The following TUSC3 variants were observed in gnomAD, a reference collection of about 807,000 sequenced individuals.
The protein encoded by TUSC3 is tumor suppressor candidate 3, also known as dolichyl-diphosphooligosaccharide--protein glycosyltransferase subunit TUSC3.
Under a neutral mutation model 44.8 loss-of-function variants are expected in TUSC3, and 45 were observed. The ratio of observed to expected loss-of-function variants is 1.00; its 90% CI spans 0.79 to 1.29. TUSC3 has a LOEUF of 1.29. Ranked by LOEUF, TUSC3 falls within the 50% of genes most tolerant of loss-of-function variation. The probability of loss-of-function intolerance (pLI) is 0.00; values close to 1 mark genes in which losing one functional copy is unlikely to be tolerated. For missense variants in TUSC3, 519 were observed against 437.9 expected (o/e 1.19, Z -1.65); for synonymous variants, 212 against 152.9 (o/e 1.39, Z -2.85).
At chr8:15,581,981 T>TC (rs1803372077) in intron 1 of TUSC3, among the ~76,000 whole-genome samples, 2 of 151,326 alleles carry the variant, frequency 1.3e-5, no homozygotes, top group Non-Finnish European at 1.5e-5. Context: ...CGTAGGACCC[T>TC]CTGAGCCAGG....
chr8:15,662,105 G>GA, intron 4 of TUSC3, 51 bp from the exon 5 acceptor site: 2 of 1,594,082 alleles, frequency 1.3e-6, no homozygotes, highest in Non-Finnish European at 1.7e-6. Context: ...ATGATCAAAA[G>GA]AAAAATTTTA....
At chr8:15,583,937 G>C (rs758503947) in intron 1 of TUSC3, among the ~76,000 whole-genome samples, 2 of 152,192 alleles carry the variant, frequency 1.3e-5, no homozygotes, top group South Asian at 4.1e-4. Context: ...TAGCACCTTA[G>C]TAAGCAGATG....
chr8:15,441,380 CTGGG>C (rs1800018959), intron 1 of TUSC3, among the ~76,000 whole-genome samples: 1 of 152,094 alleles, frequency 6.6e-6, no homozygotes, highest in Non-Finnish European at 1.5e-5. Flanking sequence ...GCACTCCAGG[CTGGG>C]TGAGACAGCG....
intron 1 of TUSC3, among the ~76,000 whole-genome samples, chr8:15,420,447 G>A (rs1001610396): frequency 2.6e-5 from 4 of 151,854 alleles, no homozygotes; most frequent in Non-Finnish European, 5.9e-5. Flanking sequence ...ACAGTGAGCC[G>A]AGATCATGCC....
At chr8:15,477,176 C>T (rs905049979) in intron 1 of TUSC3, among the ~76,000 whole-genome samples, 1 of 152,112 alleles carries the variant, frequency 6.6e-6, no homozygotes, top group Non-Finnish European at 1.5e-5. Context: ...CATGAATCGA[C>T]CTTAGGTTCC....
chr8:15,599,949 G>A (rs1212428423), intron 1 of TUSC3, among the ~76,000 whole-genome samples: 2 of 151,520 alleles, frequency 1.3e-5, no homozygotes, highest in Non-Finnish European at 3.0e-5. Flanking sequence ...AGTTCCAATA[G>A]GTTTCTTGTC....
the TUSC3 span, among the ~76,000 whole-genome samples, chr8:15,847,153 G>T: frequency 6.6e-6 from 1 of 152,158 alleles, no homozygotes; most frequent in East Asian, 1.9e-4. Context: ...TGTATTGCAG[G>T]GACTGGAAGC....
intron 1 of TUSC3, among the ~76,000 whole-genome samples, chr8:15,431,074 T>C (rs1272865993): frequency 1.3e-5 from 2 of 151,824 alleles, no homozygotes; most frequent in South Asian, 2.1e-4. Context: ...CGTATTGTTT[T>C]AATTACTGTG....
chr8:15,726,522 G>C (rs571215433), intron 6 of TUSC3, among the ~76,000 whole-genome samples: 1 of 151,948 alleles, frequency 6.6e-6, no homozygotes, highest in Admixed American at 6.6e-5. Flanking sequence ...AATATTCAAT[G>C]GGGCCAGGTG....
At chr8:15,599,624 C>G (rs1437933222) in intron 1 of TUSC3, among the ~76,000 whole-genome samples, 1 of 149,912 alleles carries the variant, frequency 6.7e-6, no homozygotes, top group Admixed American at 6.7e-5. Context: ...AGTCTAGATT[C>G]ATTTTTTTGC....
chr8:15,599,314 A>G, intron 1 of TUSC3, among the ~76,000 whole-genome samples: 1 of 151,716 alleles, frequency 6.6e-6, no homozygotes, highest in Non-Finnish European at 1.5e-5. Context: ...AGGTCTTTGT[A>G]TATTTTTGTA....
At chr8:15,418,844 A>G (rs1376107577) in intron 1 of TUSC3, among the ~76,000 whole-genome samples, 1 of 152,140 alleles carries the variant, frequency 6.6e-6, no homozygotes, top group Non-Finnish European at 1.5e-5. Context: ...TATCTTTACA[A>G]AAAATTTAAA....
intron 3 of TUSC3, among the ~76,000 whole-genome samples, chr8:15,655,455 C>G (rs1807114389): frequency 6.6e-6 from 1 of 152,184 alleles, no homozygotes; most frequent in South Asian, 2.1e-4. Context: ...ATAGCCCACC[C>G]AAAGGGAAAA....
chr8:15,833,173 C>G, the TUSC3 span, among the ~76,000 whole-genome samples: 1 of 152,102 alleles, frequency 6.6e-6, no homozygotes. Flanking sequence ...TATCTCACAC[C>G]AGTCAGAATG....
intron 6 of TUSC3, among the ~76,000 whole-genome samples, chr8:15,696,156 G>T (rs1019480330): frequency 2.6e-5 from 4 of 152,168 alleles, no homozygotes; most frequent in Non-Finnish European, 5.9e-5. Context: ...CAGGCCCAGA[G>T]GCCTAGGAGG....
chr8:15,820,271 T>C, the TUSC3 span, among the ~76,000 whole-genome samples: 1 of 152,042 alleles, frequency 6.6e-6, no homozygotes, highest in Non-Finnish European at 1.5e-5. Context: ...TGTTAAGAAT[T>C]TCTGCCTGTA....
At chr8:15,517,705 C>T (rs1238208958) in intron 2 of TUSC3, among the ~76,000 whole-genome samples, 1 of 152,002 alleles carries the variant, frequency 6.6e-6, no homozygotes, top group African/African-American at 2.4e-5. Context: ...TAATCATCAG[C>T]TGTATTATAT....
At chr8:15,741,888 G>T (rs1301046686) in intron 7 of TUSC3, among the ~76,000 whole-genome samples, 1 of 152,126 alleles carries the variant, frequency 6.6e-6, no homozygotes, top group Admixed American at 6.6e-5. Context: ...ATCTGCTCTA[G>T]AAAACTGAGT....
intron 1 of TUSC3, among the ~76,000 whole-genome samples, chr8:15,571,909 T>C (rs1802892510): frequency 6.6e-6 from 1 of 152,166 alleles, no homozygotes; most frequent in Non-Finnish European, 1.5e-5. Flanking sequence ...CTTCAAATAT[T>C]CAGTAAACTG....
Sources: gnomAD v4.1 joint callset for allele counts (sites outside exome capture counted in the v4.1 genomes callset) on GRCh38, gnomAD v4.1.1 for gene constraint, MANE v1.5 for transcripts, NCBI Gene and HGNC (gene_info 2026-07-23, HGNC 2026-07-21) for gene names.